Variants in RAPGEF2 observed in about 807,000 individuals in gnomAD.
The protein encoded by RAPGEF2 is Rap guanine nucleotide exchange factor 2, also known as PDZ domain containing guanine nucleotide exchange factor (GEF) 1.
A neutral mutation model predicts 186.7 loss-of-function variants in RAPGEF2; 54 were observed. That is an observed-to-expected ratio of 0.29 (90% CI 0.23 to 0.36). RAPGEF2 has a LOEUF of 0.36. RAPGEF2 is among the 10% of genes least tolerant of loss of function. The probability of loss-of-function intolerance (pLI) is 1.00; values close to 1 mark genes in which losing one functional copy is unlikely to be tolerated. For missense variants in RAPGEF2, 1,532 were observed against 2,045.0 expected, an observed-to-expected ratio of 0.75 and a Z score of 4.84; for synonymous variants, 712 against 705.9, an observed-to-expected ratio of 1.01 and a Z score of -0.14.
intron 7 of RAPGEF2, among the ~76,000 whole-genome samples, chr4:159,261,579 C>T (rs554931865): frequency 2.6e-5 from 4 of 152,140 alleles, no homozygotes; most frequent in African/African-American, 7.2e-5. Context: ...AAAGATCCAC[C>T]CTTTAATCCT....
At chr4:159,240,769 C>A (rs1433705518) in intron 5 of RAPGEF2, among the ~76,000 whole-genome samples, 2 of 149,396 alleles carry the variant, frequency 1.3e-5, no homozygotes, top group Admixed American at 1.3e-4. Context: ...GTTTTTGAGT[C>A]ATTCAGGATT....
chr4:159,140,685 A>G (rs79741047), intron 1 of RAPGEF2, among the ~76,000 whole-genome samples: 3,128 of 152,250 alleles, frequency 0.021, 107 homozygotes, highest in African/African-American at 0.071. Flanking sequence ...TAGGAAATGA[A>G]ATTAACAAGA....
chr4:159,199,748 G>C (rs1475344649), intron 3 of RAPGEF2, among the ~76,000 whole-genome samples: 1 of 152,150 alleles, frequency 6.6e-6, no homozygotes, highest in African/African-American at 2.4e-5. Flanking sequence ...TTGCTGTTGG[G>C]ACTCCTATAG....
chr4:159,154,671 A>C (rs1341644771), intron 1 of RAPGEF2, among the ~76,000 whole-genome samples: 1 of 152,170 alleles, frequency 6.6e-6, no homozygotes. Context: ...GATAGGTAGC[A>C]GGCTGAATTT....
intron 26 of RAPGEF2, 57 bp downstream of exon 26, chr4:159,350,346 A>G: frequency 7.3e-7 from 1 of 1,376,248 alleles, no homozygotes; most frequent in Non-Finnish European, 9.7e-7. Flanking sequence ...TTTGGCTATA[A>G]TAAATTCCAG....
At chr4:159,302,230 T>C (rs992444932) in intron 7 of RAPGEF2, among the ~76,000 whole-genome samples, 1 of 152,184 alleles carries the variant, frequency 6.6e-6, no homozygotes, top group African/African-American at 2.4e-5. Flanking sequence ...TACAGTGAAT[T>C]CTTAGTCAGG....
chr4:159,350,990 T>A, intron 26 of RAPGEF2: 1 of 1,433,338 alleles, frequency 7.0e-7, no homozygotes, highest in Non-Finnish European at 9.4e-7. Context: ...GTGCATTTTG[T>A]ATGGGTATCA....
intron 7 of RAPGEF2, among the ~76,000 whole-genome samples, chr4:159,275,089 GTGTGTGTA>G (rs1316011978): frequency 1.3e-5 from 2 of 149,376 alleles, no homozygotes; most frequent in African/African-American, 5.0e-5. Flanking sequence ...GTGTGTGTGT[GTGTGTGTA>G]TGATATATGA....
intron 4 of RAPGEF2, among the ~76,000 whole-genome samples, chr4:159,212,679 G>A (rs1750643755): frequency 6.6e-6 from 1 of 152,108 alleles, no homozygotes; most frequent in African/African-American, 2.4e-5. Context: ...TAATTTTAAA[G>A]AATACATTTT....
chr4:159,243,095 T>C (rs1754198890), intron 6 of RAPGEF2, among the ~76,000 whole-genome samples: 1 of 150,820 alleles, frequency 6.6e-6, no homozygotes, highest in Non-Finnish European at 1.5e-5. Flanking sequence ...AAAATATGTA[T>C]TTCTTTTATT....
At chr4:159,165,378 T>C (rs56064685) in intron 1 of RAPGEF2, among the ~76,000 whole-genome samples, 3,149 of 152,268 alleles carry the variant, frequency 0.021, 116 homozygotes, top group African/African-American at 0.069. Context: ...GTCAATACAT[T>C]TTTAACTTGG....
At chr4:159,248,386 T>A (rs1754906016) in intron 7 of RAPGEF2, among the ~76,000 whole-genome samples, 1 of 152,224 alleles carries the variant, frequency 6.6e-6, no homozygotes, top group Non-Finnish European at 1.5e-5. Flanking sequence ...TGCCTGATGC[T>A]TTATGTTTTC....
chr4:159,263,089 A>G (rs1409253676), intron 7 of RAPGEF2, among the ~76,000 whole-genome samples: 5 of 152,216 alleles, frequency 3.3e-5, no homozygotes, highest in African/African-American at 4.8e-5. Context: ...ATGAAAGTAG[A>G]AAAATGAAAT....
At chr4:159,266,942 C>T in intron 7 of RAPGEF2, 1 of 210,228 alleles carries the variant, frequency 4.8e-6, no homozygotes, top group Non-Finnish European at 1.0e-5. Flanking sequence ...TAACCTACAG[C>T]TGCTGATAGA....
At chr4:159,164,579 A>G (rs1386032536) in intron 1 of RAPGEF2, among the ~76,000 whole-genome samples, 1 of 152,158 alleles carries the variant, frequency 6.6e-6, no homozygotes, top group Non-Finnish European at 1.5e-5. Flanking sequence ...TGGAAATTAG[A>G]GATAATATAG....
At chr4:159,344,494 T>G (rs1217008640) in intron 23 of RAPGEF2, among the ~76,000 whole-genome samples, 10 of 152,140 alleles carry the variant, frequency 6.6e-5, no homozygotes, top group Non-Finnish European at 1.0e-4. Flanking sequence ...AAACCCAAAT[T>G]TTTTACAGCT....
intron 1 of RAPGEF2, among the ~76,000 whole-genome samples, chr4:159,127,742 A>C (rs1347849118): frequency 2.0e-5 from 3 of 152,246 alleles, no homozygotes; most frequent in Admixed American, 2.0e-4. Flanking sequence ...TAGTAATAGA[A>C]TAAGAATACT....
At position 159,314,659 on chromosome 4, in the gene RAPGEF2, C is replaced by T. The variant is rs368431401; in HGVS notation, c.744C>T (p.Asp248=). ...GLPETAVDSE[D]DDDEEDIERA... ...CAGAAACAGCAGTGGATTCCGAAGACGACGACGATGAAGAAGACATTGAGA... is the reference window on the plus strand; with the variant it reads ...CAGAAACAGCAGTGGATTCCGAAGATGACGACGATGAAGAAGACATTGAGA... Residue 248 remains aspartate, a synonymous_variant, in exon 9 of 30, where the codon GAC becomes GAT. Transcript: ENST00000691494. 51 of 1,613,646 alleles carry T rather than the reference C, an allele frequency of 3.2e-5. No individual in the cohort carries two copies. Among genetic ancestry groups the T allele is most frequent in the Admixed American group, 5.0e-5 (3 of 59,974 alleles).
intron 1 of RAPGEF2, among the ~76,000 whole-genome samples, chr4:159,141,014 T>A (rs1207019433): frequency 6.6e-6 from 1 of 151,976 alleles, no homozygotes; most frequent in African/African-American, 2.4e-5. Context: ...GTATTTTCAG[T>A]AGAGACGGGG....
Sources: gnomAD v4.1 joint callset for allele counts (sites outside exome capture counted in the v4.1 genomes callset) on GRCh38, gnomAD v4.1.1 for gene constraint, MANE v1.5 for transcripts, NCBI Gene and HGNC (gene_info 2026-07-23, HGNC 2026-07-21) for gene names.